The following ROCK1 variants were observed in gnomAD, a reference collection of about 807,000 sequenced individuals.
ROCK1 encodes the protein Rho associated coiled-coil containing protein kinase 1, also known as rho-associated protein kinase 1.
Under a neutral mutation model 196.8 loss-of-function variants are expected in ROCK1, and 36 were observed. The ratio of observed to expected loss-of-function variants is 0.18; its 90% CI spans 0.14 to 0.24. The LOEUF (loss-of-function observed/expected upper bound fraction) is 0.24, where lower values mean the gene tolerates loss of function less well. ROCK1 is among the 10% of genes least tolerant of loss of function. ROCK1 has a pLI of 1.00. For missense variants in ROCK1, 920 were observed against 1,562.0 expected (o/e 0.59, Z 6.93); for synonymous variants, 443 against 515.9 (o/e 0.86, Z 1.91).
intron 22 of ROCK1, among the ~76,000 whole-genome samples, chr18:20,973,566 C>T (rs1201268253): frequency 6.6e-6 from 1 of 152,088 alleles, no homozygotes; most frequent in Non-Finnish European, 1.5e-5. Context: ...CATGAGTCAC[C>T]ACACCCGACC....
At chr18:20,973,530 G>A (rs1176487173) in intron 22 of ROCK1, among the ~76,000 whole-genome samples, 1 of 152,040 alleles carries the variant, frequency 6.6e-6, no homozygotes, top group Non-Finnish European at 1.5e-5. Flanking sequence ...ACCCACCTGG[G>A]CCTCCCAAAT....
chr18:21,046,248 T>C (rs1468943165), intron 4 of ROCK1, among the ~76,000 whole-genome samples: 1 of 152,172 alleles, frequency 6.6e-6, no homozygotes, highest in African/African-American at 2.4e-5. Flanking sequence ...AGTAATTTGC[T>C]TAACCTACCC....
chr18:21,057,223 T>C (rs373184353), intron 2 of ROCK1, among the ~76,000 whole-genome samples: 2 of 152,238 alleles, frequency 1.3e-5, no homozygotes, highest in African/African-American at 4.8e-5. Flanking sequence ...AGTCAGGTGA[T>C]GCTGGCAGAA....
At chr18:20,984,566 A>C (rs763750766) in intron 19 of ROCK1, 31 bp from the exon 20 acceptor site, 7 of 1,507,286 alleles carry the variant, frequency 4.6e-6, no homozygotes, top group Non-Finnish European at 6.3e-6. Flanking sequence ...TGGGATCTTA[A>C]ATCTCTTAAA....
In ROCK1 at chr18:21,003,298, G is replaced by A. The variant is rs2035741873; in HGVS notation, c.1885+3053C>T. On this transcript the variant is annotated intron_variant, in intron 16 of 32. Coordinates refer to ENST00000399799, the MANE Select transcript of ROCK1 (RefSeq NM_005406.3). Reference sequence around the variant, plus strand: ...AGATTACAAAGAACACAAAAGGGAGGAGGAAAATACAGATTAAAATAAACT... The same window carrying A: ...AGATTACAAAGAACACAAAAGGGAGAAGGAAAATACAGATTAAAATAAACT... Among the ~76,000 whole-genome samples, 4 of 152,078 alleles carry A rather than the reference G, an allele frequency of 2.6e-5. 1 individual carries two copies. In the South Asian group the frequency reaches 8.3e-4, roughly 32 times the overall value.
rs997269072 is a variant in ROCK1, at chr18:20,951,018, C to T, written c.*366G>A. 2.7e-5 allele frequency: 5 copies of T among 187,108 alleles called. No homozygotes were observed. Among genetic ancestry groups the T allele is most frequent in the Non-Finnish European group, 5.5e-5 (5 of 91,232 alleles). 11.6% of individuals were successfully genotyped at this position (187,108 alleles called of 1,614,324 possible). On this transcript the variant is annotated 3_prime_UTR_variant, in exon 33 of 33. Transcript: ENST00000399799. ...CTGATCTTGATAGTGATGGCTGTTC[C>T]ACTTGAAAGTGAAAGTCCCTTCCTC... is the stretch of plus-strand genomic sequence containing the variant.
intron 10 of ROCK1, among the ~76,000 whole-genome samples, 175 bp from the exon 11 acceptor site, chr18:21,023,855 T>C (rs1462399347): frequency 1.3e-5 from 2 of 152,148 alleles, no homozygotes; most frequent in African/African-American, 4.8e-5. Flanking sequence ...GATACATATA[T>C]TAAATAAAAC....
intron 29 of ROCK1, among the ~76,000 whole-genome samples, chr18:20,958,818 A>ACTGT (rs1159835426): frequency 2.8e-5 from 4 of 142,760 alleles, no homozygotes; most frequent in Non-Finnish European, 6.0e-5. Context: ...AACAGTTGTT[A>ACTGT]TACTGTATTT....
At chr18:21,066,094 T>C (rs1598549903) in intron 2 of ROCK1, among the ~76,000 whole-genome samples, 1 of 152,304 alleles carries the variant, frequency 6.6e-6, no homozygotes, top group Non-Finnish European at 1.5e-5. Context: ...TAAAATAATT[T>C]TGATGTGCTT....
At chr18:21,075,681 T>C (rs1035632740) in intron 1 of ROCK1, among the ~76,000 whole-genome samples, 12 of 151,990 alleles carry the variant, frequency 7.9e-5, no homozygotes, top group African/African-American at 2.9e-4. Flanking sequence ...AGGCTGGGCA[T>C]GGTGGCTCAC....
chr18:21,024,819 G>A (rs2035942669), intron 10 of ROCK1, among the ~76,000 whole-genome samples: 1 of 152,036 alleles, frequency 6.6e-6, no homozygotes, highest in African/African-American at 2.4e-5. Flanking sequence ...ACAATAATAG[G>A]GGCTGTGTAG....
intron 19 of ROCK1, 45 bp from the exon 20 acceptor site, chr18:20,984,580 TTTATTAGACATTATTTGAAA>T: frequency 7.0e-7 from 1 of 1,431,826 alleles, no homozygotes; most frequent in Non-Finnish European, 9.5e-7. Flanking sequence ...TCTTAAATAA[TTTATTAGACATTATTTGAAA>T]GACTACTAAC....
intron 21 of ROCK1, among the ~76,000 whole-genome samples, 196 bp downstream of exon 21, chr18:20,982,567 A>G (rs2035542861): frequency 6.6e-6 from 1 of 152,188 alleles, no homozygotes. Context: ...AGTTTTTACA[A>G]TTTAAAAACA....
chr18:21,001,734 T>C (rs1258888161), intron 16 of ROCK1, among the ~76,000 whole-genome samples: 1 of 149,714 alleles, frequency 6.7e-6, no homozygotes, highest in African/African-American at 2.5e-5. Flanking sequence ...CACTGCACTG[T>C]AGCCTGGGTG....
intron 29 of ROCK1, among the ~76,000 whole-genome samples, chr18:20,955,709 AC>A (rs1412281562): frequency 2.0e-5 from 3 of 148,818 alleles, no homozygotes; most frequent in African/African-American, 7.5e-5. Context: ...CCTAGAAACA[AC>A]CCAAATAAAT....
chr18:20,999,139 C>T (rs1200192625), intron 16 of ROCK1, among the ~76,000 whole-genome samples: 1 of 152,010 alleles, frequency 6.6e-6, no homozygotes, highest in African/African-American at 2.4e-5. Context: ...CCAAATTCCA[C>T]AATACATTAA....
intron 6 of ROCK1, among the ~76,000 whole-genome samples, chr18:21,043,566 T>C (rs1360539248): frequency 7.1e-6 from 1 of 140,446 alleles, no homozygotes; most frequent in Non-Finnish European, 1.5e-5. Flanking sequence ...TGTATATACA[T>C]ATACATAATG....
intron 6 of ROCK1, among the ~76,000 whole-genome samples, chr18:21,043,861 A>G (rs1220164811): frequency 6.6e-6 from 1 of 152,052 alleles, no homozygotes; most frequent in Non-Finnish European, 1.5e-5. Flanking sequence ...TGAAGGATTT[A>G]GTAAATCTGG....
intron 16 of ROCK1, among the ~76,000 whole-genome samples, chr18:21,004,659 T>C (rs191852541): frequency 5.4e-4 from 82 of 152,244 alleles, no homozygotes; most frequent in Non-Finnish European, 1.0e-3. Flanking sequence ...ATCACAAACT[T>C]ATAAGAATTT....
Sources: gnomAD v4.1 joint callset for allele counts (sites outside exome capture counted in the v4.1 genomes callset) on GRCh38, gnomAD v4.1.1 for gene constraint, MANE v1.5 for transcripts, NCBI Gene and HGNC (gene_info 2026-07-23, HGNC 2026-07-21) for gene names.